ACAD10: variants seen among roughly 807,000 people sequenced by gnomAD.
ACAD10 encodes ACAD-10.
A neutral mutation model predicts 116.8 loss-of-function variants in ACAD10; 112 were observed. The observed-to-expected ratio is 0.96, with a 90% CI of 0.82 to 1.12. The LOEUF is 1.12. Among genes scored for constraint, ACAD10 ranks in the 50% most tolerant of loss-of-function variants. The pLI is 0.00. For synonymous variants in ACAD10, 486 were observed against 510.6 expected (o/e 0.95, Z 0.65); for missense variants, 1,259 against 1,350.2 (o/e 0.93, Z 1.06).
In ACAD10 at chr12:111,712,618, C is replaced by A. The variant is rs1566148916; in HGVS notation, c.811C>A (p.Gln271Lys). The A allele has an allele frequency of 6.2e-7, 1 of 1,614,120 alleles. No individual in the cohort carries two copies. The highest frequency in any genetic ancestry group is 1.7e-5 in the Admixed American group (1 of 59,998). Reference protein sequence around the residue: ...KTMEIPKDSLQKYLKDLLGIQ... With the variant: ...KTMEIPKDSLKKYLKDLLGIQ... ...GATGGAAATTCCGAAAGATTCCTTG[C>A]AGAAGTACCTCAAAGACTTACTGGG... Residue 271 changes from glutamine (Q) to lysine (K), a missense_variant, in exon 6 of 21, where the codon CAG becomes AAG. By Grantham distance (53) the Gln-to-Lys change is moderately conservative. Transcript: ENST00000313698.
chr12:111,718,036 C>CTTTT lies in ACAD10; in HGVS notation c.992+2102_992+2105dup, dbSNP rs560344796. ...TATACGTAGGATCTATAGTGATATCCTTTTTTTTTTTTTTTTTTTTTTTTT... is the reference window on the plus strand; with the variant it reads ...TATACGTAGGATCTATAGTGATATCCTTTTTTTTTTTTTTTTTTTTTTTTTTTTT... On this transcript the variant is annotated intron_variant, in intron 7 of 20. Transcript: ENST00000313698. Among the ~76,000 whole-genome samples, 340 of 63,672 alleles carry CTTTT rather than the reference C, an allele frequency of 5.3e-3. 69 individuals carry two copies. Among genetic ancestry groups the CTTTT allele is most frequent in the African/African-American group, 0.025 (306 of 12,200 alleles). 41.8% of individuals were successfully genotyped at this position (63,672 alleles called of 152,430 possible).
chr12:111,736,814 C>T lies in ACAD10; in HGVS notation c.1541-17C>T. 6.2e-7 allele frequency: 1 copy of T among 1,607,412 alleles called. No homozygotes were observed. The highest frequency in any genetic ancestry group is 8.5e-7 in the Non-Finnish European group (1 of 1,176,990). On this transcript the variant is annotated splice_polypyrimidine_tract_variant and intron_variant, in intron 11 of 20. Transcript: ENST00000313698. ...CACGTCAGTGACTACCCATGAATGG[C>T]TCTGTCTTTCTCGCAGGTATTAATG...
At chr12:111,747,615 A>G (rs1185700522) in intron 16 of ACAD10, 1 of 1,353,510 alleles carries the variant, frequency 7.4e-7, no homozygotes, top group South Asian at 1.6e-5. Flanking sequence ...GTGCCCACAC[A>G]TGGACGGATG....
chr12:111,750,500 C>T (rs1445827474), intron 18 of ACAD10, among the ~76,000 whole-genome samples: 1 of 152,150 alleles, frequency 6.6e-6, no homozygotes, highest in African/African-American at 2.4e-5. Flanking sequence ...GCAGAAGGAT[C>T]GCTTGAGCCC....
intron 10 of ACAD10, among the ~76,000 whole-genome samples, chr12:111,731,750 C>T (rs1243917285): frequency 1.3e-5 from 2 of 152,096 alleles, no homozygotes; most frequent in African/African-American, 2.4e-5. Flanking sequence ...AGTGAATCAG[C>T]GGTGGTGGGA....
At chr12:111,700,760 T>TC in intron 2 of ACAD10, among the ~76,000 whole-genome samples, 1 of 146,952 alleles carries the variant, frequency 6.8e-6, no homozygotes, top group African/African-American at 2.5e-5. Flanking sequence ...TTTTTTTTTT[T>TC]TTTTTTTTTT....
intron 2 of ACAD10, among the ~76,000 whole-genome samples, chr12:111,697,114 GCCTGTAA>G (rs1888210535): frequency 6.6e-6 from 1 of 151,218 alleles, no homozygotes; most frequent in Non-Finnish European, 1.5e-5. Flanking sequence ...GGTAGTCCAT[GCCTGTAA>G]TCCCAGATAC....
intron 7 of ACAD10, among the ~76,000 whole-genome samples, chr12:111,716,207 A>AT (rs1888842927): frequency 6.6e-6 from 1 of 151,116 alleles, no homozygotes; most frequent in Non-Finnish European, 1.5e-5. Context: ...TCTACCCCCC[A>AT]TCCCCCCCCA....
At chr12:111,691,669 C>T (rs939118476) in intron 1 of ACAD10, among the ~76,000 whole-genome samples, 21 of 149,316 alleles carry the variant, frequency 1.4e-4, no homozygotes, top group African/African-American at 2.0e-4. Flanking sequence ...AATCTTGGCT[C>T]ACTGCAACCT....
chr12:111,714,308 C>T (rs1295661646), intron 6 of ACAD10, among the ~76,000 whole-genome samples: 1 of 151,580 alleles, frequency 6.6e-6, no homozygotes, highest in Non-Finnish European at 1.5e-5. Context: ...TTCTTGGAGA[C>T]AAGTTTTCTC....
intron 2 of ACAD10, among the ~76,000 whole-genome samples, chr12:111,695,341 ACT>A (rs1453124030): frequency 6.6e-6 from 1 of 152,220 alleles, no homozygotes; most frequent in Non-Finnish European, 1.5e-5. Flanking sequence ...TCTTTTGAAC[ACT>A]CAGTAAATCT....
At chr12:111,739,146 C>T (rs562572466) in intron 12 of ACAD10, among the ~76,000 whole-genome samples, 1 of 152,260 alleles carries the variant, frequency 6.6e-6, no homozygotes, top group East Asian at 1.9e-4. Context: ...ATTTGCAACT[C>T]CTAATGCATT....
At chr12:111,692,250 G>A (rs1172149160) in intron 1 of ACAD10, among the ~76,000 whole-genome samples, 2 of 152,218 alleles carry the variant, frequency 1.3e-5, no homozygotes, top group African/African-American at 2.4e-5. Context: ...TTACAGGAGT[G>A]AGCCACCACA....
intron 7 of ACAD10, among the ~76,000 whole-genome samples, chr12:111,719,387 C>T (rs1048001888): frequency 2.0e-5 from 3 of 148,594 alleles, no homozygotes; most frequent in East Asian, 2.1e-4. Flanking sequence ...CTCAGTAGCT[C>T]GGACTACAGG....
At position 111,736,790 on chromosome 12, in the gene ACAD10, A is replaced by T. The variant is rs112200463; in HGVS notation, c.1541-41A>T. 20 of 1,580,726 alleles carry T rather than the reference A, an allele frequency of 1.3e-5. No individual in the cohort carries two copies. In the African/African-American group the frequency reaches 2.3e-4, roughly 18 times the overall value. On this transcript the variant is annotated intron_variant, in intron 11 of 20. Coordinates refer to ENST00000313698, the MANE Select transcript of ACAD10 (RefSeq NM_025247.6). The stretch of plus-strand genomic sequence containing the variant: ...TATTTGCCAGCCACAGGGGCGTGTC[A>T]CGTCAGTGACTACCCATGAATGGCT...
rs761268033 is a variant in ACAD10 at position 111,744,967 on chromosome 12, C to T, written c.2039C>T (p.Pro680Leu). The change falls in exon 13 of 21, where the codon CCT becomes CTT. Residue 680 changes from proline to leucine, a missense_variant. By Grantham distance (98) the Pro-to-Leu change is moderately conservative (BLOSUM62 -3). Transcript: ENST00000313698. ...LKHFMEQRVY[P>L]AEPELQSHQA... ...CACTTCATGGAGCAACGTGTGTACC[C>T]TGCAGAGCCAGAGCTGCAGAGTCAC... The T allele has an allele frequency of 3.7e-6, 6 of 1,614,064 alleles. No homozygotes were observed. In the African/African-American group the frequency reaches 8.0e-5, roughly 22 times the overall value.
At chr12:111,719,693 A>C (rs114716337) in intron 7 of ACAD10, among the ~76,000 whole-genome samples, 2,377 of 150,878 alleles carry the variant, frequency 0.016, 72 homozygotes, top group African/African-American at 0.055. Flanking sequence ...GGTACAATTA[A>C]AGGCATGAGG....
intron 10 of ACAD10, among the ~76,000 whole-genome samples, chr12:111,731,289 G>A (rs1376098183): frequency 6.6e-6 from 1 of 152,086 alleles, no homozygotes; most frequent in Non-Finnish European, 1.5e-5. Flanking sequence ...AGACTGATGG[G>A]GCCAAGTGCT....
chr12:111,691,877 G>A (rs370101905), intron 1 of ACAD10, among the ~76,000 whole-genome samples: 203 of 152,256 alleles, frequency 1.3e-3, no homozygotes, highest in African/African-American at 4.7e-3. Context: ...GATTACAGGC[G>A]TGTGCCACTG....
Sources: allele counts gnomAD v4.1 joint callset (sites outside exome capture counted in the v4.1 genomes callset), GRCh38; gene constraint gnomAD v4.1.1; transcripts MANE v1.5; gene names NCBI Gene and HGNC (gene_info 2026-07-23, HGNC 2026-07-21).